The following CSGALNACT1 variants were observed in gnomAD, a reference collection of about 807,000 sequenced individuals.
CSGALNACT1 encodes chondroitin sulfate N-acetylgalactosaminyltransferase 1.
CSGALNACT1 carries 52 observed loss-of-function variants against 51.0 expected under a neutral mutation model. The observed-to-expected ratio is 1.02, with a 90% CI of 0.82 to 1.29. The LOEUF (loss-of-function observed/expected upper bound fraction) is 1.29. CSGALNACT1 is among the 50% of genes most tolerant of loss of function. The probability of loss-of-function intolerance (pLI) is 0.00; values close to 1 mark genes in which losing one functional copy is unlikely to be tolerated. For missense variants in CSGALNACT1, 935 were observed against 679.2 expected, an observed-to-expected ratio of 1.38 and a Z score of -4.19; for synonymous variants, 341 against 254.4, an observed-to-expected ratio of 1.34 and a Z score of -3.24.
chr8:19,456,836 G>A (rs921140109), intron 5 of CSGALNACT1, among the ~76,000 whole-genome samples: 15 of 152,120 alleles, frequency 9.9e-5, no homozygotes, highest in Admixed American at 2.0e-4. Context: ...AAAAGCTAAG[G>A]GAATTGAGAA....
At chr8:19,670,650 C>CAGAAAA (rs2059723127) in intron 1 of CSGALNACT1, among the ~76,000 whole-genome samples, 1 of 92,848 alleles carries the variant, frequency 1.1e-5, no homozygotes, top group Non-Finnish European at 1.9e-5. Flanking sequence ...CTACTGAAGA[C>CAGAAAA]AAAAAAAAAA....
At chr8:19,588,590 A>G (rs1436471480) in intron 3 of CSGALNACT1, among the ~76,000 whole-genome samples, 1 of 152,250 alleles carries the variant, frequency 6.6e-6, no homozygotes, top group African/African-American at 2.4e-5. Context: ...ACCAGGCAGT[A>G]TTTCAGGAGC....
At chr8:19,634,894 T>A (rs997172666) in intron 1 of CSGALNACT1, among the ~76,000 whole-genome samples, 4 of 152,206 alleles carry the variant, frequency 2.6e-5, no homozygotes, top group Non-Finnish European at 5.9e-5. Flanking sequence ...ACAGCTGTCA[T>A]ATTTAAGTGA....
intron 3 of CSGALNACT1, among the ~76,000 whole-genome samples, chr8:19,583,305 TG>T (rs1281727619): frequency 1.3e-5 from 2 of 152,250 alleles, no homozygotes; most frequent in African/African-American, 2.4e-5. Context: ...CTTTTTTCTT[TG>T]TACATCTTTG....
intron 1 of CSGALNACT1, chr8:19,732,571 C>T (rs903231287): frequency 6.6e-6 from 1 of 152,168 alleles, no homozygotes; most frequent in African/African-American, 2.4e-5. Flanking sequence ...CAGCACCTGG[C>T]ACATGGTAGT....
intron 1 of CSGALNACT1, among the ~76,000 whole-genome samples, chr8:19,718,597 T>C (rs773904487): frequency 6.6e-6 from 1 of 152,216 alleles, no homozygotes; most frequent in Non-Finnish European, 1.5e-5. Flanking sequence ...AATTATTATA[T>C]GCAATGCTTT....
chr8:19,600,378 C>A (rs917966182), intron 2 of CSGALNACT1, among the ~76,000 whole-genome samples: 2 of 152,158 alleles, frequency 1.3e-5, no homozygotes, highest in African/African-American at 4.8e-5. Flanking sequence ...CCGCACCCAG[C>A]CTACTTCTCT....
In CSGALNACT1 at chr8:19,467,804, G is replaced by A. The variant is rs528511584; in HGVS notation, c.635-9162C>T. On this transcript the variant is annotated intron_variant, in intron 4 of 9. Coordinates refer to ENST00000454498, the Ensembl canonical transcript of CSGALNACT1. ...GTTCCAGATCAGCCTGGGCAACATG[G>A]TGAAATCCTGTCTCCACAAAAAATA... 8.9e-4 allele frequency among the ~76,000 whole-genome samples: 135 copies of A among 152,180 alleles called. 1 individual carries two copies. The highest frequency in any genetic ancestry group is 3.1e-3 in the African/African-American group (127 of 41,528).
Position 19,415,089 on chromosome 8 carries a change from C to G in CSGALNACT1, c.1227+3567G>C, listed in dbSNP as rs10102226. Reference sequence around the variant, plus strand: ...TAGATCCTAAGCAAATCTCTTGCCTCTGTACTGATAGAAGGAAATCTCTTG... The same window carrying G: ...TAGATCCTAAGCAAATCTCTTGCCTGTGTACTGATAGAAGGAAATCTCTTG... On this transcript the variant is annotated intron_variant, in intron 8 of 9. Coordinates refer to ENST00000454498, the Ensembl canonical transcript of CSGALNACT1. Among the ~76,000 whole-genome samples, 978 of 152,320 alleles carry G rather than the reference C, an allele frequency of 6.4e-3. 10 individuals are homozygous for G. The highest frequency in any genetic ancestry group is 0.022 in the African/African-American group (928 of 41,548).
At position 19,662,072 on chromosome 8, in the gene CSGALNACT1, CCA is replaced by C. The variant is rs1172644421; in HGVS notation, c.-544+20399_-544+20400del. Among the ~76,000 whole-genome samples the C allele has an allele frequency of 9.0e-3, 417 of 46,124 alleles. 2 individuals carry two copies. Among genetic ancestry groups the C allele is most frequent in the Middle Eastern group, 0.017 (2 of 118 alleles). 30.3% of individuals were successfully genotyped at this position (46,124 alleles called of 152,430 possible). Reference sequence around the variant, plus strand: ...CTATTACAGTTGCCCCCACCCCCCCCCACCCCCCCCCCCCCCCGCATCTTCAG... The same window carrying C: ...CTATTACAGTTGCCCCCACCCCCCCCCCCCCCCCCCCCCCCGCATCTTCAG... On this transcript the variant is annotated intron_variant, in intron 1 of 9. Coordinates refer to the CSGALNACT1 transcript ENST00000332246.
chr8:19,663,148 T>G (rs1451813079), intron 1 of CSGALNACT1, among the ~76,000 whole-genome samples: 2 of 152,184 alleles, frequency 1.3e-5, no homozygotes, highest in Non-Finnish European at 2.9e-5. Context: ...CATGCCACTC[T>G]GCCTCTACCA....
At chr8:19,568,810 G>C (rs1316973155) in intron 3 of CSGALNACT1, among the ~76,000 whole-genome samples, 1 of 152,124 alleles carries the variant, frequency 6.6e-6, no homozygotes, top group East Asian at 1.9e-4. Context: ...CTCCCTGTTA[G>C]AGCTACCTTT....
intron 5 of CSGALNACT1, among the ~76,000 whole-genome samples, chr8:19,442,029 C>T (rs1189898520): frequency 2.6e-5 from 4 of 152,216 alleles, no homozygotes; most frequent in East Asian, 3.8e-4. Flanking sequence ...TACCATCTCA[C>T]ACCAGTTAGA....
At chr8:19,489,231 G>A (rs2073817209) in intron 4 of CSGALNACT1, among the ~76,000 whole-genome samples, 1 of 152,066 alleles carries the variant, frequency 6.6e-6, no homozygotes, top group Admixed American at 6.6e-5. Context: ...CAAATAAATT[G>A]CCCTTCTATT....
At chr8:19,669,413 T>A (rs531070452) in intron 1 of CSGALNACT1, among the ~76,000 whole-genome samples, 73 of 152,310 alleles carry the variant, frequency 4.8e-4, no homozygotes, top group African/African-American at 1.7e-3. Context: ...CCAAACCAAA[T>A]AAAAACTGTA....
At chr8:19,620,585 C>T (rs1323198694) in intron 1 of CSGALNACT1, among the ~76,000 whole-genome samples, 1 of 151,950 alleles carries the variant, frequency 6.6e-6, no homozygotes, top group Non-Finnish European at 1.5e-5. Context: ...GCATCCACCA[C>T]CAGGCCTGGC....
At chr8:19,692,122 C>T (rs533476798) in intron 1 of CSGALNACT1, among the ~76,000 whole-genome samples, 5 of 152,206 alleles carry the variant, frequency 3.3e-5, no homozygotes, top group African/African-American at 7.2e-5. Flanking sequence ...CTCACTATCA[C>T]GAGAACAGCA....
At chr8:19,604,085 C>G (rs540637233), upstream of CSGALNACT1, among the ~76,000 whole-genome samples, 1 of 152,170 alleles carries the variant, frequency 6.6e-6, no homozygotes, top group Non-Finnish European at 1.5e-5. Flanking sequence ...CTGGAAAGTA[C>G]ATGTCTCCTT....
At chr8:19,411,014 G>A (rs914669123) in intron 8 of CSGALNACT1, among the ~76,000 whole-genome samples, 2 of 152,144 alleles carry the variant, frequency 1.3e-5, no homozygotes, top group Non-Finnish European at 2.9e-5. Context: ...TTCCCTAATC[G>A]TCAGCCATCT....
Sources: gnomAD v4.1 joint callset for allele counts (sites outside exome capture counted in the v4.1 genomes callset) on GRCh38, gnomAD v4.1.1 for gene constraint, MANE v1.5 for transcripts, NCBI Gene and HGNC (gene_info 2026-07-23, HGNC 2026-07-21) for gene names.